HUWE1: variants seen among roughly 807,000 people sequenced by gnomAD.
HUWE1 encodes E3 ubiquitin-protein ligase HUWE1.
HUWE1 carries 18 observed loss-of-function variants against 299.4 expected under a neutral mutation model. The ratio of observed to expected loss-of-function variants is 0.06; its 90% CI spans 0.04 to 0.09. The LOEUF is 0.09. Ranked by LOEUF, HUWE1 falls within the 10% of genes least tolerant of loss-of-function variation. HUWE1 has a pLI of 1.00. For synonymous variants in HUWE1, 1,317 were observed against 1,286.1 expected (o/e 1.02, Z -0.51); for missense variants, 1,832 against 3,462.3 (o/e 0.53, Z 11.82).
At position 53,558,727 on chromosome X, in the gene HUWE1, T is replaced by C; in HGVS notation, c.8088A>G (p.Gln2696=). ...TTATCTTTGTTTCTTCCTCAGCCAG[T>C]TGTTTCCTGCGCTTCTCTCGCCTTT... ...LEERREKRRK[Q]LAEEETKITD... The change falls in exon 59 of 84, where the codon CAA becomes CAG. Residue 2696 remains glutamine (Q), a synonymous_variant. Transcript: ENST00000262854. 1 of 1,210,502 alleles carries C rather than the reference T, an allele frequency of 8.3e-7. No homozygotes were observed. The highest frequency in any genetic ancestry group is 1.1e-6 in the Non-Finnish European group (1 of 894,169).
chrX:53,647,398 G>A lies in HUWE1; in HGVS notation c.321C>T (p.Ser107=). Residue 107 remains serine (S), a synonymous_variant, in exon 6 of 84, where the codon AGC becomes AGT. Coordinates refer to ENST00000262854, the MANE Select transcript of HUWE1 (RefSeq NM_031407.7). ...TGGAACTGTACAGATGCCGGGAAAAGCTGTACTCAATGAGCAAGGCTGTGA... is the reference window on the plus strand; with the variant it reads ...TGGAACTGTACAGATGCCGGGAAAAACTGTACTCAATGAGCAAGGCTGTGA... ...LNFTALLIEY[S]FSRHLYSSIE... 1 of 1,209,661 alleles carries A rather than the reference G, an allele frequency of 8.3e-7. No homozygotes were observed. The highest frequency in any genetic ancestry group is 1.1e-6 in the Non-Finnish European group (1 of 893,533).
At chrX:53,647,723 C>A in intron 5 of HUWE1, 149 bp from the exon 6 acceptor site, 1 of 522,558 alleles carries the variant, frequency 1.9e-6, no homozygotes, top group East Asian at 3.4e-5. Context: ...AGATCATACT[C>A]TGAGCTAAAA....
chrX:53,681,348 C>A (rs782509268), intron 2 of HUWE1, among the ~76,000 whole-genome samples: 1 of 107,076 alleles, frequency 9.3e-6, no homozygotes, highest in Non-Finnish European at 1.9e-5. Flanking sequence ...GCAGGTAAAT[C>A]GCTTGAACCC....
At chrX:53,574,094 C>T (rs782707138) in intron 46 of HUWE1, 130 bp from the exon 47 acceptor site, 3 of 543,945 alleles carry the variant, frequency 5.5e-6, no homozygotes, top group Non-Finnish European at 9.5e-6. Flanking sequence ...TCTCGTGACA[C>T]TGCAGTGCAA....
rs1031259156 is a variant in HUWE1, at chrX:53,603,484, G to A, written c.2760C>T (p.Ile920=). Residue 920 remains isoleucine (I), a synonymous_variant, in exon 27 of 84, where the codon ATC becomes ATT. Transcript: ENST00000262854. ...ATTGAGAGCCCCACTGGTTTACGGA[G>A]ATGGAACGAATTTCACTCTGCAATC... ...CRVGQSEIRS[I]SVNQWGSQLG... 8.3e-7 allele frequency: 1 copy of A among 1,209,715 alleles called. No homozygotes were observed. Among genetic ancestry groups the A allele is most frequent in the African/African-American group, 1.7e-5 (1 of 57,609 alleles).
chrX:53,546,542 G>A lies in HUWE1; in HGVS notation c.10809C>T (p.Asn3603=), dbSNP rs201891783. 73 of 1,207,142 alleles carry A rather than the reference G, an allele frequency of 6.0e-5. No individual in the cohort carries two copies. The East Asian group carries it at 7.1e-4, about 12-fold the overall frequency. ...CSEEGLEDAA[N]VLLQLSRGDS... is the part of the protein sequence containing the mutation. Reference sequence around the variant, plus strand: ...CCCCCCGGGAGAGCTGCAGTAGTACGTTGGCTGCATCCTCTAAGCCTTCCT... The same window carrying A: ...CCCCCCGGGAGAGCTGCAGTAGTACATTGGCTGCATCCTCTAAGCCTTCCT... Residue 3603 remains asparagine (N), a synonymous_variant, in exon 70 of 84, where the codon AAC becomes AAT. Transcript: ENST00000262854.
intron 27 of HUWE1, 30 bp from the exon 28 acceptor site, chrX:53,602,688 A>AT: frequency 1.5e-6 from 1 of 674,871 alleles, no homozygotes; most frequent in Non-Finnish European, 2.3e-6. Flanking sequence ...GAGCAAAAGA[A>AT]ATATATATAT....
intron 59 of HUWE1, among the ~76,000 whole-genome samples, chrX:53,557,699 C>T (rs970345297): frequency 8.9e-5 from 10 of 111,776 alleles, no homozygotes; most frequent in Non-Finnish European, 1.5e-4. Context: ...GGGATGGGCA[C>T]GATCATGATC....
chrX:53,536,111 G>T lies in HUWE1; in HGVS notation c.12531+36C>A, dbSNP rs782411460. 4.5e-6 allele frequency: 4 copies of T among 895,907 alleles called. No individual in the cohort carries two copies. In the Admixed American group the frequency reaches 8.8e-5, roughly 20 times the overall value. The allele number at this position is 895,907 out of a possible 1,213,427, so 73.8% of individuals were successfully genotyped here. A position where few individuals can be genotyped will look rare whatever the true frequency, so the allele number is the denominator to read the frequency against. The stretch of plus-strand genomic sequence containing the variant: ...AACCTGGAATGGATCTTCCAGATTG[G>T]CTGGGATGTGCTGTGATTAGGATTT... On this transcript the variant is annotated intron_variant, in intron 80 of 83. Transcript: ENST00000262854.
rs924192625 is a variant in HUWE1 at position 53,593,373 on chromosome X, T to C, written c.3732A>G (p.Val1244=). ...AATACTGAATACTCACTTTCTGAGT[T>C]ACCACAAGGAAGCGCAGTGCACTGA... ...PQFSALRFLV[V]TQKAAFTCIK... is the part of the protein sequence containing the mutation. The change falls in exon 32 of 84, where the codon GTA becomes GTG. Residue 1244 remains valine (V), a synonymous_variant. Transcript: ENST00000262854. The C allele has an allele frequency of 1.2e-5, 14 of 1,180,395 alleles. No individual in the cohort carries two copies. The African/African-American group carries it at 2.5e-4, about 21-fold the overall frequency.
intron 4 of HUWE1, among the ~76,000 whole-genome samples, chrX:53,653,483 C>T (rs1458887592): frequency 1.8e-5 from 2 of 111,389 alleles, no homozygotes; most frequent in African/African-American, 6.5e-5. Flanking sequence ...TGCAATACCA[C>T]TTCCTCAACC....
chrX:53,566,115 G>GTA (rs1200945752), intron 49 of HUWE1, among the ~76,000 whole-genome samples: 1 of 68,080 alleles, frequency 1.5e-5, no homozygotes, highest in Non-Finnish European at 2.6e-5. Context: ...ATGTATGTAT[G>GTA]TATGTGTGTG....
intron 53 of HUWE1, among the ~76,000 whole-genome samples, chrX:53,562,510 A>G (rs1360642289): frequency 9.0e-6 from 1 of 111,458 alleles, no homozygotes. Context: ...GACTTGGCCA[A>G]GTCTGCTGGT....
At chrX:53,683,949 G>A (rs917887369) in intron 2 of HUWE1, 1 of 292,992 alleles carries the variant, frequency 3.4e-6, no homozygotes, top group Non-Finnish European at 5.9e-6. Flanking sequence ...AACGGCACGA[G>A]CCGAAGACCT....
At chrX:53,637,305 ATAAG>A (rs1351087042) in intron 7 of HUWE1, among the ~76,000 whole-genome samples, 4 of 112,557 alleles carry the variant, frequency 3.6e-5, no homozygotes. Context: ...TTAATACCTA[ATAAG>A]TACTTCATTA....
chrX:53,601,508 A>G (rs1460554740), intron 28 of HUWE1, among the ~76,000 whole-genome samples: 1 of 109,837 alleles, frequency 9.1e-6, no homozygotes, highest in Non-Finnish European at 1.9e-5. Flanking sequence ...ACACAGAATT[A>G]TCTTCATTGC....
intron 23 of HUWE1, among the ~76,000 whole-genome samples, chrX:53,610,173 G>C (rs899315138): frequency 9.0e-6 from 1 of 111,605 alleles, no homozygotes; most frequent in Non-Finnish European, 1.9e-5. Flanking sequence ...CTATCGATAA[G>C]GAGTGCAGGT....
chrX:53,644,405 C>T (rs187532248), intron 7 of HUWE1, among the ~76,000 whole-genome samples: 1 of 111,501 alleles, frequency 9.0e-6, no homozygotes, highest in African/African-American at 3.3e-5. Context: ...ACTTGGGAAT[C>T]CAATGTTAAA....
chrX:53,563,846 T>C, intron 51 of HUWE1, 25 bp from the exon 52 acceptor site: 2 of 1,197,259 alleles, frequency 1.7e-6, no homozygotes, highest in Non-Finnish European at 2.3e-6. Context: ...AACATATATA[T>C]GGATGCACAC....
Sources: allele counts gnomAD v4.1 joint callset (sites outside exome capture counted in the v4.1 genomes callset), GRCh38; gene constraint gnomAD v4.1.1; transcripts MANE v1.5; gene names NCBI Gene and HGNC (gene_info 2026-07-23, HGNC 2026-07-21).